ZNF280C: variants seen among roughly 807,000 people sequenced by gnomAD.
The protein encoded by ZNF280C is zinc finger protein 280C, also known as suppressor of hairy wing homolog 3.
In ZNF280C, 14 loss-of-function variants were observed where a neutral mutation model predicts 53.6. That is an observed-to-expected ratio of 0.26 (90% CI 0.17 to 0.41). The LOEUF (loss-of-function observed/expected upper bound fraction) is 0.41, where lower values mean the gene tolerates loss of function less well. Among genes scored for constraint, ZNF280C ranks in the 10% least tolerant of loss-of-function variants. ZNF280C has a pLI of 1.00. For synonymous variants in ZNF280C, 203 were observed against 181.1 expected (o/e 1.12, Z -0.97); for missense variants, 416 against 547.1 (o/e 0.76, Z 2.39).
At chrX:130,247,146 G>T in intron 2 of ZNF280C, 141 bp from the exon 3 acceptor site, 1 of 682,168 alleles carries the variant, frequency 1.5e-6, no homozygotes, top group East Asian at 3.7e-5. Context: ...TTTTGTGACA[G>T]AGTTTTGCTT....
intron 13 of ZNF280C, among the ~76,000 whole-genome samples, chrX:130,219,257 G>A (rs774895219): frequency 8.1e-5 from 9 of 110,638 alleles, no homozygotes; most frequent in Admixed American, 6.7e-4. Flanking sequence ...AGGCCGAGGC[G>A]GGCAGATCAC....
chrX:130,237,543 G>C (rs996742801), intron 6 of ZNF280C, among the ~76,000 whole-genome samples: 5 of 111,380 alleles, frequency 4.5e-5, no homozygotes, highest in Non-Finnish European at 9.5e-5. Context: ...CCCAGCAAAA[G>C]TGATTTTTGA....
intron 6 of ZNF280C, among the ~76,000 whole-genome samples, chrX:130,238,684 C>T (rs758745386): frequency 2.7e-5 from 3 of 111,186 alleles, no homozygotes; most frequent in East Asian, 5.6e-4. Context: ...CTGTTTGTTT[C>T]GGTTCTTGGC....
At chrX:130,216,525 A>G (rs765799905) in intron 13 of ZNF280C, among the ~76,000 whole-genome samples, 1 of 112,333 alleles carries the variant, frequency 8.9e-6, no homozygotes, top group African/African-American at 3.2e-5. Flanking sequence ...AAGCACACAA[A>G]GAGATGGTCC....
chrX:130,235,988 C>T (rs1431593371), intron 8 of ZNF280C, among the ~76,000 whole-genome samples: 1 of 111,717 alleles, frequency 9.0e-6, no homozygotes, highest in Non-Finnish European at 1.9e-5. Context: ...TAATGGCTTC[C>T]AGTTCTATCC....
At position 130,204,999 on chromosome X, in the gene ZNF280C, GA is replaced by G. The variant is rs35019405; in HGVS notation, c.2199-8del. 0.048 allele frequency: 42,117 copies of G among 875,857 alleles called. 118 individuals are homozygous for G. Among genetic ancestry groups the G allele is most frequent in the Non-Finnish European group, 0.052 (35,971 of 689,644 alleles). The allele number at this position is 875,857 out of a possible 1,213,427, so 72.2% of individuals were successfully genotyped here. ...AATCTATTTCAATGAGCAGCTTTAA[GA>G]AAAAAAAAAAAAAACTTTAATATTT... On this transcript the variant is annotated splice_polypyrimidine_tract_variant and splice_region_variant and intron_variant, in intron 18 of 18. Coordinates refer to ENST00000370978, the MANE Select transcript of ZNF280C (RefSeq NM_017666.5).
At chrX:130,251,265 G>A (rs930343612) in intron 2 of ZNF280C, among the ~76,000 whole-genome samples, 23 of 63,782 alleles carry the variant, frequency 3.6e-4, no homozygotes, top group African/African-American at 1.7e-3. Context: ...CTAGGCAAAC[G>A]CAGTAAGGAC....
intron 1 of ZNF280C, among the ~76,000 whole-genome samples, chrX:130,263,416 G>A (rs1166140650): frequency 8.9e-6 from 1 of 112,186 alleles, no homozygotes; most frequent in African/African-American, 3.2e-5. Context: ...ATACTAATGG[G>A]CCTTGAGAAC....
chrX:130,244,324 G>GT (rs1170349073), intron 3 of ZNF280C, among the ~76,000 whole-genome samples: 3 of 111,866 alleles, frequency 2.7e-5, no homozygotes, highest in Non-Finnish European at 5.6e-5. Flanking sequence ...GCACACCCTT[G>GT]TACCCATATG....
At chrX:130,268,174 C>G (rs945550611) in intron 1 of ZNF280C, among the ~76,000 whole-genome samples, 5 of 111,319 alleles carry the variant, frequency 4.5e-5, no homozygotes, top group African/African-American at 1.6e-4. Flanking sequence ...TAGACAATAA[C>G]GGAATAGAGC....
rs751065795 is a variant in ZNF280C, at chrX:130,245,786, T to TC, written c.178+1072_178+1073insG. Reference sequence around the variant, plus strand: ...TGCACTTTAGACATATTTGAGGACTTTTTTTTTTTCTTTTTTTGAGATATA... The same window carrying TC: ...TGCACTTTAGACATATTTGAGGACTTCTTTTTTTTTCTTTTTTTGAGATATA... On this transcript the variant is annotated intron_variant, in intron 3 of 18. Coordinates refer to ENST00000370978, the MANE Select transcript of ZNF280C (RefSeq NM_017666.5). Among the ~76,000 whole-genome samples, 4 of 106,751 alleles carry TC rather than the reference T, an allele frequency of 3.7e-5. No individual in the cohort carries two copies. In the South Asian group the frequency reaches 1.6e-3, roughly 42 times the overall value. 92.7% of individuals were successfully genotyped at this position (106,751 alleles called of 115,157 possible). A position where few individuals can be genotyped will look rare whatever the true frequency, so the allele number is the denominator to read the frequency against.
At position 130,212,253 on chromosome X, in the gene ZNF280C, GAAAC is replaced by G. The variant is rs1029956647; in HGVS notation, c.1980-2542_1980-2539del. Among the ~76,000 whole-genome samples, 5 of 111,966 alleles carry G rather than the reference GAAAC, an allele frequency of 4.5e-5. No homozygotes were observed. In the Admixed American group the frequency reaches 4.8e-4, roughly 11 times the overall value. On this transcript the variant is annotated intron_variant, in intron 15 of 18. Coordinates refer to ENST00000370978, the MANE Select transcript of ZNF280C (RefSeq NM_017666.5). Reference sequence around the variant, plus strand: ...GTAAAAGTGGTTTGAATCCTAGTTAGAAACAAACAGTTGGGTCTCAGGGAAACTC... The same window carrying G: ...GTAAAAGTGGTTTGAATCCTAGTTAGAAACAGTTGGGTCTCAGGGAAACTC...
intron 1 of ZNF280C, among the ~76,000 whole-genome samples, chrX:130,265,278 A>C (rs1395016319): frequency 8.9e-6 from 1 of 112,035 alleles, no homozygotes; most frequent in African/African-American, 3.2e-5. Flanking sequence ...TATATTTTAA[A>C]ACATTTTATG....
rs765032715 is a variant in ZNF280C at position 130,216,124 on chromosome X, T to C, written c.1528-23A>G. On this transcript the variant is annotated intron_variant, in intron 13 of 18. Transcript: ENST00000370978. Reference sequence around the variant, plus strand: ...AACCTATAAAAACAAAGCCAATACATATTTTTAGAAAAGTAACCATCGCAT... The same window carrying C: ...AACCTATAAAAACAAAGCCAATACACATTTTTAGAAAAGTAACCATCGCAT... 60 of 1,137,867 alleles carry C rather than the reference T, an allele frequency of 5.3e-5. No individual in the cohort carries two copies. In the South Asian group the frequency reaches 1.2e-3, roughly 22 times the overall value. The allele number at this position is 1,137,867 out of a possible 1,213,427, so 93.8% of individuals were successfully genotyped here. A position where few individuals can be genotyped will look rare whatever the true frequency, so the allele number is the denominator to read the frequency against.
intron 3 of ZNF280C, among the ~76,000 whole-genome samples, chrX:130,245,980 T>C (rs1262280940): frequency 1.8e-5 from 2 of 110,345 alleles, no homozygotes; most frequent in Non-Finnish European, 3.8e-5. Context: ...AGAGAGGGGG[T>C]TTCACCATGT....
chrX:130,255,341 C>T (rs1228661363), intron 2 of ZNF280C, among the ~76,000 whole-genome samples: 1 of 104,145 alleles, frequency 9.6e-6, no homozygotes, highest in Non-Finnish European at 2.0e-5. Flanking sequence ...GGGGTTTCAC[C>T]GTTTTAGCCG....
rs45503099 is a variant in ZNF280C at position 130,205,293 on chromosome X, G to A, written c.2161+4C>T. The A allele has an allele frequency of 0.019, 22,326 of 1,168,507 alleles. 420 individuals are homozygous for A. The highest frequency in any genetic ancestry group is 0.12 in the Admixed American group (5,534 of 44,486). On this transcript the variant is annotated splice_donor_region_variant and intron_variant, in intron 17 of 18. Coordinates refer to ENST00000370978, the MANE Select transcript of ZNF280C (RefSeq NM_017666.5). ...ATCAAAGAAACACAATTATATATAC[G>A]TACCATTCTCTATTATAACTTGGCA...
chrX:130,225,680 A>C (rs1397508687), intron 12 of ZNF280C, among the ~76,000 whole-genome samples: 1 of 110,071 alleles, frequency 9.1e-6, no homozygotes, highest in Admixed American at 9.7e-5. Flanking sequence ...AAAAAAAAAA[A>C]AGACACTGAT....
At chrX:130,234,406 C>T (rs1171197444) in intron 8 of ZNF280C, among the ~76,000 whole-genome samples, 1 of 112,080 alleles carries the variant, frequency 8.9e-6, no homozygotes, top group Admixed American at 9.4e-5. Flanking sequence ...TCAAGGGAAA[C>T]AGTGGTAATG....
Sources: allele counts gnomAD v4.1 joint callset (sites outside exome capture counted in the v4.1 genomes callset), GRCh38; gene constraint gnomAD v4.1.1; transcripts MANE v1.5; gene names NCBI Gene and HGNC (gene_info 2026-07-23, HGNC 2026-07-21).